FAM178B: variants seen among roughly 807,000 people sequenced by gnomAD.
FAM178B encodes protein FAM178B.
FAM178B carries 82 observed loss-of-function variants against 91.7 expected under a neutral mutation model. That is an observed-to-expected ratio of 0.89 (90% CI 0.75 to 1.07). The LOEUF (loss-of-function observed/expected upper bound fraction) is 1.07. Among genes scored for constraint, FAM178B ranks in the 50% least tolerant of loss-of-function variants. The probability of loss-of-function intolerance (pLI) is 0.00; values close to 1 mark genes in which losing one functional copy is unlikely to be tolerated. For missense variants in FAM178B, 769 were observed against 846.7 expected (o/e 0.91, Z 1.14); for synonymous variants, 368 against 359.4 (o/e 1.02, Z -0.27).
chr2:96,879,003 T>C (rs2080314168), intron 14 of FAM178B, among the ~76,000 whole-genome samples: 1 of 152,200 alleles, frequency 6.6e-6, no homozygotes, highest in African/African-American at 2.4e-5. Context: ...TCCTCATTCC[T>C]GCCAACTGCA....
chr2:96,921,277 C>T lies in FAM178B; in HGVS notation c.1465-15G>A. ...AGTTCCTGGAGCTGCAGGAGAACGG[C>T]ACCCCATGGGCTACAGGAGGACACC... On this transcript the variant is annotated splice_polypyrimidine_tract_variant and intron_variant, in intron 11 of 16. Transcript: ENST00000490605. 1 of 1,550,606 alleles carries T rather than the reference C, an allele frequency of 6.4e-7. No individual in the cohort carries two copies. The highest frequency in any genetic ancestry group is 1.7e-4 in the Middle Eastern group (1 of 5,942).
intron 7 of FAM178B, among the ~76,000 whole-genome samples, chr2:96,949,359 C>T (rs1182133624): frequency 6.6e-6 from 1 of 152,210 alleles, no homozygotes; most frequent in Non-Finnish European, 1.5e-5. Flanking sequence ...TTGCCTTTGA[C>T]TGGACAAGGG....
intron 12 of FAM178B, among the ~76,000 whole-genome samples, chr2:96,910,293 C>T (rs1005036455): frequency 6.6e-6 from 1 of 152,190 alleles, no homozygotes; most frequent in African/African-American, 2.4e-5. Flanking sequence ...ACGGCCCCAA[C>T]TTCATGTCTC....
intron 8 of FAM178B, among the ~76,000 whole-genome samples, chr2:96,936,098 T>C (rs2081621238): frequency 6.6e-6 from 1 of 152,178 alleles, no homozygotes; most frequent in Non-Finnish European, 1.5e-5. Context: ...ATACAGAAAC[T>C]ACTTTCTGAT....
At position 96,902,693 on chromosome 2, in the gene FAM178B, T is replaced by G. The variant is rs1215281535; in HGVS notation, c.1577A>C (p.Gln526Pro). 1.3e-6 allele frequency: 2 copies of G among 1,550,500 alleles called. No individual in the cohort carries two copies. The highest frequency in any genetic ancestry group is 2.0e-5 in the Admixed American group (1 of 51,000). ...TCGAGCAATGACCACAAGGCTGAGCTGGCTTCGAAGCCGCCTGGGGGAAAA... is the reference window on the plus strand; with the variant it reads ...TCGAGCAATGACCACAAGGCTGAGCGGGCTTCGAAGCCGCCTGGGGGAAAA... ...MTSRSRRLRS[Q>P]LSLVVIARML... is the part of the protein sequence containing the mutation. Residue 526 changes from glutamine to proline, a missense_variant, in exon 13 of 17, where the codon CAG (glutamine) becomes CCG (proline). By Grantham distance (76) the Gln-to-Pro change is moderately conservative (BLOSUM62 -1). Transcript: ENST00000490605.
chr2:96,884,503 C>A (rs534447927), intron 14 of FAM178B, among the ~76,000 whole-genome samples: 1 of 152,318 alleles, frequency 6.6e-6, no homozygotes, highest in African/African-American at 2.4e-5. Context: ...AGGTTGGGCA[C>A]AACAGCGATG....
chr2:96,916,839 G>A (rs1330251936), intron 12 of FAM178B, among the ~76,000 whole-genome samples: 4 of 152,212 alleles, frequency 2.6e-5, no homozygotes, highest in African/African-American at 9.6e-5. Flanking sequence ...CAGTCGAGCA[G>A]ACAAAGAGTG....
chr2:96,978,174 T>C (rs568033096), intron 1 of FAM178B, among the ~76,000 whole-genome samples: 2 of 152,332 alleles, frequency 1.3e-5, no homozygotes, highest in African/African-American at 4.8e-5. Context: ...TGATGCAGAA[T>C]GGATTCTCAG....
intron 12 of FAM178B, among the ~76,000 whole-genome samples, chr2:96,904,235 G>A (rs2080987559): frequency 6.6e-6 from 1 of 152,208 alleles, no homozygotes; most frequent in East Asian, 1.9e-4. Flanking sequence ...GACAGATCAG[G>A]CTGTATCCAT....
At chr2:96,888,969 G>A (rs4907258) in intron 14 of FAM178B, among the ~76,000 whole-genome samples, 38,402 of 152,152 alleles carry the variant, frequency 0.25, 6,161 homozygotes, top group South Asian at 0.67. Flanking sequence ...TCAGGAGCAT[G>A]AGCTGGGGAC....
At chr2:96,947,711 T>A (rs1019010583) in intron 8 of FAM178B, 107 bp downstream of exon 8, 1 of 651,890 alleles carries the variant, frequency 1.5e-6, no homozygotes, top group Non-Finnish European at 2.7e-6. Flanking sequence ...CTGGATGCAA[T>A]GTCCCACCAG....
chr2:96,921,678 G>A (rs1019923715), intron 10 of FAM178B, 24 bp from the exon 11 acceptor site: 1 of 1,549,898 alleles, frequency 6.5e-7, no homozygotes, highest in Non-Finnish European at 8.7e-7. Flanking sequence ...AGAGGGCAGG[G>A]GTGGCCAGGG....
chr2:96,959,199 GAAAAAAAAAAAAAAA>G (rs57498168), intron 6 of FAM178B, among the ~76,000 whole-genome samples: 3 of 82,120 alleles, frequency 3.7e-5, no homozygotes, highest in South Asian at 5.6e-4. Context: ...ACTCAGTTTT[GAAAAAAAAAAAAAAA>G]AAAAAAAAAA....
At chr2:96,923,716 G>T (rs528710340) in intron 9 of FAM178B, 133 bp from the exon 10 acceptor site, 4 of 670,836 alleles carry the variant, frequency 6.0e-6, no homozygotes, top group Admixed American at 2.2e-5. Flanking sequence ...CCACACAGAT[G>T]ATCTCATGAG....
rs768068293 is a variant in FAM178B at position 96,972,224 on chromosome 2, G to A, written c.241C>T (p.Arg81Trp). Residue 81 changes from arginine to tryptophan, a missense_variant, in exon 3 of 17, where the codon CGG becomes TGG. Transcript: ENST00000490605. ...LDQGPRCPAR[R>W]PCSPASAPAP... ...GGAGCCGAGGCAGGGCTGCAGGGCCGCCGGGCAGGGCAGCGGGGCCCCTGG... is the reference window on the plus strand; with the variant it reads ...GGAGCCGAGGCAGGGCTGCAGGGCCACCGGGCAGGGCAGCGGGGCCCCTGG... 4.6e-6 allele frequency: 7 copies of A among 1,537,896 alleles called. No individual in the cohort carries two copies. Among genetic ancestry groups the A allele is most frequent in the South Asian group, 2.4e-5 (2 of 82,190 alleles).
intron 6 of FAM178B, among the ~76,000 whole-genome samples, chr2:96,959,678 C>T (rs1195932480): frequency 1.3e-5 from 2 of 152,188 alleles, no homozygotes; most frequent in Non-Finnish European, 2.9e-5. Context: ...ACTTTCTTTC[C>T]TCTTCTTCTT....
chr2:96,972,146 GA>G lies in FAM178B; in HGVS notation c.318del (p.Thr108LeufsTer36). The part of the protein sequence containing the change: ...KPKIQAPGET[F>X]PTDWSPPPVE... ...ACGGGCGGGGGGCTCCAGTCAGTGG[GA>G]AACGTTTCCCCAGGTGCCTGTATCT... On this transcript the variant is annotated frameshift_variant, in exon 3 of 17. Coordinates refer to ENST00000490605, the MANE Select transcript of FAM178B (RefSeq NM_001122646.3). LOFTEE classifies it high-confidence loss of function. 1.3e-6 allele frequency: 2 copies of G among 1,539,776 alleles called. No homozygotes were observed. The highest frequency in any genetic ancestry group is 1.8e-6 in the Non-Finnish European group (2 of 1,141,592).
At chr2:96,949,288 G>A (rs1391138708) in intron 7 of FAM178B, among the ~76,000 whole-genome samples, 1 of 152,118 alleles carries the variant, frequency 6.6e-6, no homozygotes, top group African/African-American at 2.4e-5. Flanking sequence ...CCACGCCCTG[G>A]CTCAGTAGGG....
intron 8 of FAM178B, among the ~76,000 whole-genome samples, chr2:96,931,219 A>G (rs2081533658): frequency 6.6e-6 from 1 of 152,132 alleles, no homozygotes; most frequent in Non-Finnish European, 1.5e-5. Flanking sequence ...ACCATTCTAG[A>G]GGGTGAGTGT....
Sources: allele counts gnomAD v4.1 joint callset (sites outside exome capture counted in the v4.1 genomes callset), GRCh38; gene constraint gnomAD v4.1.1; transcripts MANE v1.5; gene names NCBI Gene and HGNC (gene_info 2026-07-23, HGNC 2026-07-21).